Variants in CCDC92 observed in about 807,000 individuals in gnomAD.
The protein encoded by CCDC92 is coiled-coil domain-containing protein 92.
CCDC92 carries 12 observed loss-of-function variants against 24.9 expected under a neutral mutation model. The observed-to-expected ratio is 0.48, with a 90% CI of 0.31 to 0.78. The LOEUF is 0.78. CCDC92 is among the 30% of genes least tolerant of loss of function. CCDC92 has a pLI of 0.05. For synonymous variants in CCDC92, 193 were observed against 196.3 expected, an observed-to-expected ratio of 0.98 and a Z score of 0.14; for missense variants, 399 against 439.4, an observed-to-expected ratio of 0.91 and a Z score of 0.82.
chr12:123,970,396 A>G (rs893690250), intron 1 of CCDC92: 3 of 152,222 alleles, frequency 2.0e-5, no homozygotes, highest in African/African-American at 7.2e-5. Flanking sequence ...TTCATATAGA[A>G]GTGAAATCTG....
At chr12:123,942,847 T>G (rs957370903) in intron 3 of CCDC92, 62 bp from the exon 4 acceptor site, 1 of 1,385,740 alleles carries the variant, frequency 7.2e-7, no homozygotes, top group Non-Finnish European at 1.0e-6. Context: ...TCATCAGCTT[T>G]GAAAATGCAA....
intron 1 of CCDC92, among the ~76,000 whole-genome samples, chr12:123,958,553 A>G (rs1594494338): frequency 6.6e-6 from 1 of 152,150 alleles, no homozygotes; most frequent in Non-Finnish European, 1.5e-5. Context: ...TCTGGGAGAG[A>G]AGGACGAGCT....
intron 1 of CCDC92, among the ~76,000 whole-genome samples, chr12:123,960,352 C>G (rs554227195): frequency 6.6e-6 from 1 of 152,146 alleles, no homozygotes; most frequent in Non-Finnish European, 1.5e-5. Flanking sequence ...AATGGGAAAG[C>G]TCGCAAATAA....
At position 123,947,157 on chromosome 12, in the gene CCDC92, G is replaced by A. The variant is rs141806188; in HGVS notation, c.-59-2793C>T. On this transcript the variant is annotated intron_variant, in intron 1 of 4. Transcript: ENST00000238156. ...CCCCTAGCAGTGCCAGCCCACCAGC[G>A]CTGCACTCAATTTCTCACCAGGCCT... Among the ~76,000 whole-genome samples the A allele has an allele frequency of 2.0e-3, 311 of 152,312 alleles. 1 individual carries two copies. The highest frequency in any genetic ancestry group is 7.1e-3 in the African/African-American group (295 of 41,590).
intron 1 of CCDC92, chr12:123,968,434 C>G (rs1348824334): frequency 6.6e-6 from 1 of 152,060 alleles, no homozygotes; most frequent in Non-Finnish European, 1.5e-5. Context: ...TTCTAACTTG[C>G]CTTATTTGCT....
chr12:123,940,923 G>A (rs1026144546), intron 4 of CCDC92, among the ~76,000 whole-genome samples: 3 of 150,122 alleles, frequency 2.0e-5, no homozygotes, highest in Non-Finnish European at 3.0e-5. Context: ...GAGACGCCCC[G>A]ACTGGAACCA....
chr12:123,970,986 TGAAA>T (rs139930361), intron 1 of CCDC92, among the ~76,000 whole-genome samples: 3,438 of 152,292 alleles, frequency 0.023, 65 homozygotes, highest in Non-Finnish European at 0.036. Flanking sequence ...ACATGGCAGA[TGAAA>T]GAGTTATAAA....
At chr12:123,953,654 T>C (rs1438212265) in intron 1 of CCDC92, among the ~76,000 whole-genome samples, 2 of 152,200 alleles carry the variant, frequency 1.3e-5, no homozygotes, top group Non-Finnish European at 2.9e-5. Flanking sequence ...GGCACACGCC[T>C]GCGGTCCTAG....
chr12:123,936,906 T>C lies in CCDC92; in HGVS notation c.*152A>G, dbSNP rs9863. On this transcript the variant is annotated 3_prime_UTR_variant, in exon 5 of 5. Coordinates refer to ENST00000238156, the MANE Select transcript of CCDC92 (RefSeq NM_025140.3). The stretch of plus-strand genomic sequence containing the variant: ...CGGCAGGGACACGATCATATTTTGG[T>C]GTGAAGAAGAGGGCAAGAGAAGCAG... 261,100 of 772,742 alleles carry C rather than the reference T, an allele frequency of 0.34. 47,864 individuals carry two copies. The highest frequency in any genetic ancestry group is 0.59 in the African/African-American group (33,658 of 57,338). The allele number at this position is 772,742 out of a possible 1,614,324, so 47.9% of individuals were successfully genotyped here.
intron 1 of CCDC92, among the ~76,000 whole-genome samples, chr12:123,970,674 G>A (rs1956505751): frequency 6.6e-6 from 1 of 152,216 alleles, no homozygotes; most frequent in Non-Finnish European, 1.5e-5. Context: ...GAAGGACATG[G>A]AATTCAGTAA....
Position 123,937,459 on chromosome 12 carries a change from G to T in CCDC92, c.595C>A (p.Pro199Thr). 6.2e-7 allele frequency: 1 copy of T among 1,613,418 alleles called. No individual in the cohort carries two copies. Among genetic ancestry groups the T allele is most frequent in the Admixed American group, 1.7e-5 (1 of 60,014 alleles). ...YKPAPPKDKL[P>T]ETPRRRMKKS... ...TTCATGCGGCGGCGAGGCGTTTCGG[G>T]TAGCTTGTCTTTGGGGGGCGCTGGC... is the stretch of plus-strand genomic sequence containing the variant. The change falls in exon 5 of 5, where the codon CCC (proline) becomes ACC (threonine). Residue 199 changes from proline to threonine, a missense_variant. Coordinates refer to ENST00000238156, the MANE Select transcript of CCDC92 (RefSeq NM_025140.3). This position sits in a 1 kb window ranked among gnomAD's most constrained non-coding sequence, Gnocchi z 8.4.
intron 1 of CCDC92, among the ~76,000 whole-genome samples, chr12:123,953,217 G>T (rs903679641): frequency 7.3e-6 from 1 of 137,126 alleles, no homozygotes; most frequent in Non-Finnish European, 1.6e-5. Context: ...CTAAAAGCTA[G>T]AAGAGGAAAG....
chr12:123,966,090 T>C (rs555334793), intron 1 of CCDC92: 5 of 152,346 alleles, frequency 3.3e-5, no homozygotes, highest in Non-Finnish European at 7.3e-5. Flanking sequence ...TCTGAAATAT[T>C]TTATTTCCAG....
chr12:123,960,244 T>A (rs1956242079), intron 1 of CCDC92, among the ~76,000 whole-genome samples: 1 of 152,210 alleles, frequency 6.6e-6, no homozygotes. Flanking sequence ...TTAGTGGTGA[T>A]CTCACTCAGC....
intron 2 of CCDC92, chr12:123,943,898 C>T (rs1054568263): frequency 6.3e-5 from 28 of 443,040 alleles, no homozygotes; most frequent in Non-Finnish European, 1.2e-5. Context: ...GGTTCCAAAT[C>T]CTGTCCTCTC....
intron 1 of CCDC92, among the ~76,000 whole-genome samples, chr12:123,964,783 CAAT>C (rs1009193403): frequency 6.6e-6 from 1 of 152,106 alleles, no homozygotes. Context: ...AAATTCCAGA[CAAT>C]ATTATGACAA....
At chr12:123,948,042 G>A (rs967610263) in intron 1 of CCDC92, among the ~76,000 whole-genome samples, 1 of 152,126 alleles carries the variant, frequency 6.6e-6, no homozygotes, top group Non-Finnish European at 1.5e-5. Flanking sequence ...TAACACTCAC[G>A]GCGAGGGTCT....
chr12:123,956,408 T>C (rs1956151573), intron 1 of CCDC92: 1 of 152,222 alleles, frequency 6.6e-6, no homozygotes, highest in Non-Finnish European at 1.5e-5. Flanking sequence ...CAGCGTGGAT[T>C]ATTCAGTTCA....
At chr12:123,958,157 G>A (rs1312270124) in intron 1 of CCDC92, among the ~76,000 whole-genome samples, 2 of 152,096 alleles carry the variant, frequency 1.3e-5, no homozygotes, top group Admixed American at 6.5e-5. Context: ...GAGTTCAAGC[G>A]ATTCTCCTGC....
Sources: allele counts gnomAD v4.1 joint callset (sites outside exome capture counted in the v4.1 genomes callset), GRCh38; gene constraint gnomAD v4.1.1; non-coding constraint Gnocchi (gnomAD v3.1); transcripts MANE v1.5; gene names NCBI Gene and HGNC (gene_info 2026-07-23, HGNC 2026-07-21).